Variants in CTNNA2 observed in about 807,000 individuals in gnomAD.
CTNNA2 encodes the protein catenin alpha-2.
CTNNA2 carries 42 observed loss-of-function variants against 101.0 expected under a neutral mutation model. The ratio of observed to expected loss-of-function variants is 0.42; its 90% CI spans 0.32 to 0.54. CTNNA2 has a LOEUF of 0.54. CTNNA2 is among the 20% of genes least tolerant of loss of function. The probability of loss-of-function intolerance (pLI) is 0.14; values close to 1 mark genes in which losing one functional copy is unlikely to be tolerated. For missense variants in CTNNA2, 871 were observed against 1,223.1 expected, an observed-to-expected ratio of 0.71 and a Z score of 4.29; for synonymous variants, 450 against 456.4, an observed-to-expected ratio of 0.99 and a Z score of 0.18.
At chr2:79,503,791 T>C (rs1425122551) in intron 4 of CTNNA2, among the ~76,000 whole-genome samples, 1 of 152,234 alleles carries the variant, frequency 6.6e-6, no homozygotes, top group Non-Finnish European at 1.5e-5. Context: ...ATGTTGGATA[T>C]AATTCTTTCA....
intron 1 of CTNNA2, among the ~76,000 whole-genome samples, chr2:79,534,572 A>G (rs1448324105): frequency 1.3e-5 from 2 of 152,046 alleles, no homozygotes; most frequent in Non-Finnish European, 2.9e-5. Context: ...GAGGTAAATG[A>G]ACGTTAGTTT....
rs1164884884 is a variant in CTNNA2 at position 80,387,585 on chromosome 2, T to C, written c.1057-5626T>C. Among the ~76,000 whole-genome samples, 3 of 152,146 alleles carry C rather than the reference T, an allele frequency of 2.0e-5. No individual in the cohort carries two copies. The South Asian group carries it at 6.2e-4, about 32-fold the overall frequency. ...TAAAATATTGTTCTTTTTCTGAAGA[T>C]TAATTGTAAAAAGAGAAATTTCTGT... On this transcript the variant is annotated intron_variant, in intron 7 of 18. Transcript: ENST00000402739.
intron 2 of CTNNA2, among the ~76,000 whole-genome samples, chr2:79,655,503 T>C (rs1681546326): frequency 6.6e-6 from 1 of 152,208 alleles, no homozygotes; most frequent in Admixed American, 6.5e-5. Context: ...ATTTAGCTTA[T>C]CTAAATCATA....
chr2:79,822,334 T>C (rs1418478175), intron 3 of CTNNA2, among the ~76,000 whole-genome samples: 1 of 152,212 alleles, frequency 6.6e-6, no homozygotes, highest in Non-Finnish European at 1.5e-5. Flanking sequence ...CATTACATTT[T>C]GTGCTGCCAA....
intron 3 of CTNNA2, 51 bp downstream of exon 3, chr2:79,744,633 CAA>C: frequency 6.7e-7 from 1 of 1,486,648 alleles, no homozygotes; most frequent in Non-Finnish European, 9.1e-7. Flanking sequence ...GATGTGCAAA[CAA>C]TGGCTTTTTC....
intron 2 of CTNNA2, among the ~76,000 whole-genome samples, chr2:79,201,494 C>A (rs971736739): frequency 1.2e-4 from 19 of 152,252 alleles, no homozygotes; most frequent in African/African-American, 4.6e-4. Context: ...AAGTTACCTG[C>A]CTTCCATTGT....
chr2:79,914,961 TG>T (rs1414809054), intron 7 of CTNNA2, among the ~76,000 whole-genome samples: 1 of 151,694 alleles, frequency 6.6e-6, no homozygotes, highest in African/African-American at 2.4e-5. Flanking sequence ...TAACATAAAG[TG>T]GGTTCCTGAA....
intron 7 of CTNNA2, among the ~76,000 whole-genome samples, chr2:80,126,673 T>C (rs1702152562): frequency 7.6e-6 from 1 of 131,740 alleles, no homozygotes; most frequent in African/African-American, 2.8e-5. Flanking sequence ...CCTTCCTCAC[T>C]CCCTCCCTTT....
chr2:79,775,096 C>CTGA (rs1474858625), intron 3 of CTNNA2, among the ~76,000 whole-genome samples: 2 of 152,088 alleles, frequency 1.3e-5, no homozygotes, highest in Non-Finnish European at 2.9e-5. Context: ...ACAGCAGCTG[C>CTGA]TGATAAATGG....
chr2:80,279,248 C>G (rs1674175578), intron 7 of CTNNA2, among the ~76,000 whole-genome samples: 2 of 152,032 alleles, frequency 1.3e-5, no homozygotes, highest in Admixed American at 1.3e-4. Context: ...TCTGGCCAGC[C>G]CACCTTTCCA....
chr2:79,686,283 G>T (rs1360608096), intron 2 of CTNNA2, among the ~76,000 whole-genome samples: 1 of 152,102 alleles, frequency 6.6e-6, no homozygotes, highest in African/African-American at 2.4e-5. Flanking sequence ...CTCAGGAGAA[G>T]GATGGATGCT....
intron 2 of CTNNA2, among the ~76,000 whole-genome samples, chr2:79,714,121 C>CA (rs758720832): frequency 2.0e-5 from 3 of 152,100 alleles, no homozygotes; most frequent in Non-Finnish European, 4.4e-5. Context: ...GCCTTTCCTC[C>CA]AACAGGGCTC....
intron 7 of CTNNA2, among the ~76,000 whole-genome samples, chr2:80,171,695 C>T (rs554496218): frequency 6.6e-6 from 1 of 152,274 alleles, no homozygotes; most frequent in East Asian, 1.9e-4. Context: ...AGGGAAAGCT[C>T]TGCCTTAAGG....
At chr2:79,805,521 A>G (rs1435809416) in intron 3 of CTNNA2, among the ~76,000 whole-genome samples, 3 of 152,142 alleles carry the variant, frequency 2.0e-5, no homozygotes, top group African/African-American at 7.2e-5. Flanking sequence ...AGATTTATGG[A>G]TTAGGCATGC....
intron 7 of CTNNA2, among the ~76,000 whole-genome samples, chr2:80,205,538 GA>G (rs1249243007): frequency 6.6e-6 from 1 of 152,152 alleles, no homozygotes; most frequent in African/African-American, 2.4e-5. Context: ...AAATTTCCCT[GA>G]AAACTGAATT....
intron 7 of CTNNA2, among the ~76,000 whole-genome samples, chr2:80,213,855 C>G (rs1029034928): frequency 3.3e-5 from 5 of 152,126 alleles, no homozygotes; most frequent in African/African-American, 1.2e-4. Context: ...GTCTAAGTCT[C>G]TTTGTTGGTC....
chr2:79,735,896 A>G (rs1670839324), intron 2 of CTNNA2, among the ~76,000 whole-genome samples: 1 of 152,198 alleles, frequency 6.6e-6, no homozygotes, highest in Admixed American at 6.5e-5. Flanking sequence ...TTTTTCCTCT[A>G]TAAATTTTTA....
chr2:79,500,810 C>T (rs1458081150), intron 4 of CTNNA2: 2 of 152,330 alleles, frequency 1.3e-5, no homozygotes, highest in Non-Finnish European at 2.9e-5. Context: ...TCAATGGTCC[C>T]TCTTGCATGG....
chr2:79,485,295 G>A (rs999832745), intron 4 of CTNNA2, among the ~76,000 whole-genome samples: 1 of 152,120 alleles, frequency 6.6e-6, no homozygotes, highest in African/African-American at 2.4e-5. Flanking sequence ...TGGGGACTGT[G>A]CATCTAACAG....
Sources: allele counts gnomAD v4.1 joint callset (sites outside exome capture counted in the v4.1 genomes callset), GRCh38; gene constraint gnomAD v4.1.1; transcripts MANE v1.5; gene names NCBI Gene and HGNC (gene_info 2026-07-23, HGNC 2026-07-21).